Variants in PLIN4 observed in about 807,000 individuals in gnomAD.
The protein encoded by PLIN4 is perilipin 4.
PLIN4 carries 57 observed loss-of-function variants against 52.4 expected under a neutral mutation model. The observed-to-expected ratio is 1.09, with a 90% CI of 0.88 to 1.36. PLIN4 has a LOEUF of 1.36. PLIN4 is among the 40% of genes most tolerant of loss of function. The probability of loss-of-function intolerance (pLI) is 0.00; values close to 1 mark genes in which losing one functional copy is unlikely to be tolerated. For synonymous variants in PLIN4, 826 were observed against 785.4 expected (o/e 1.05, Z -0.86); for missense variants, 1,757 against 1,770.3 (o/e 0.99, Z 0.13).
At chr19:4,510,375 A>G in intron 5 of PLIN4, 71 bp downstream of exon 5, 1 of 1,208,238 alleles carries the variant, frequency 8.3e-7, no homozygotes, top group Non-Finnish European at 1.1e-6. Flanking sequence ...CAAAAAAAAA[A>G]ACAAAACAGT....
intron 6 of PLIN4, among the ~76,000 whole-genome samples, chr19:4,505,597 G>A: frequency 6.6e-6 from 1 of 152,144 alleles, no homozygotes; most frequent in East Asian, 1.9e-4. Flanking sequence ...GGAACACTCA[G>A]GACTCTGTCC....
Position 4,518,384 on chromosome 19 carries a change from C to G in PLIN4, c.-18+1G>C, listed in dbSNP as rs112089151. 2 of 1,231,348 alleles carry G rather than the reference C, an allele frequency of 1.6e-6. No homozygotes were observed. Among genetic ancestry groups the G allele is most frequent in the Admixed American group, 8.4e-5 (2 of 23,702 alleles). The allele number at this position is 1,231,348 out of a possible 1,614,324, so 76.3% of individuals were successfully genotyped here. On this transcript the variant is annotated splice_donor_variant, in intron 1 of 7. Transcript: ENST00000301286. LOFTEE classifies it low-confidence loss of function (5UTR_SPLICE). ...GAAAGCCTGAGCAGCCCGACACCCA[C>G]CTGCAGGCCTGGCCTCACCCTGGTG...
At position 4,508,940 on chromosome 19, in the gene PLIN4, G is replaced by C. The variant is rs1976188009; in HGVS notation, c.3530C>G (p.Ser1177Cys). 6.2e-7 allele frequency: 1 copy of C among 1,611,256 alleles called. No individual in the cohort carries two copies. Among genetic ancestry groups the C allele is most frequent in the African/African-American group, 1.3e-5 (1 of 74,914 alleles). ...CGACAGCACCTTTGGCCCAGGCTGG[G>C]AGGCAGCCAGCTGAGCTGGAAAGGA... is the stretch of plus-strand genomic sequence containing the variant. ...NAEEQAQLAA[S>C]QPGPKVLSAE... is the part of the protein sequence containing the mutation. Residue 1177 changes from serine to cysteine, a missense_variant, in exon 6 of 8, where the codon TCC becomes TGC. By Grantham distance (112) the Ser-to-Cys change is moderately radical. Coordinates refer to ENST00000301286, the MANE Select transcript of PLIN4 (RefSeq NM_001367868.2).
chr19:4,511,010 C>G lies in PLIN4; in HGVS notation c.2950G>C (p.Asp984His), dbSNP rs1174067688. 6.2e-7 allele frequency: 1 copy of G among 1,613,138 alleles called. No homozygotes were observed. The highest frequency in any genetic ancestry group is 8.5e-7 in the Non-Finnish European group (1 of 1,179,842). ...VAKGTVQTGV[D>H]ASKAVLMGTK... ...CCCATAAGCACAGCCTTGGAGGCGTCCACGCCGGTCTGCACGGTTCCTTTG... is the reference window on the plus strand; with the variant it reads ...CCCATAAGCACAGCCTTGGAGGCGTGCACGCCGGTCTGCACGGTTCCTTTG... The change falls in exon 5 of 8, where the codon GAC becomes CAC. Residue 984 changes from aspartate (D) to histidine (H), a missense_variant. By Grantham distance (81) the Asp-to-His change is moderately conservative (BLOSUM62 -1). Coordinates refer to ENST00000301286, the MANE Select transcript of PLIN4 (RefSeq NM_001367868.2).
In PLIN4 at chr19:4,517,113, A is replaced by G. The variant is rs1424647712; in HGVS notation, c.197-435T>C. 5.9e-5 allele frequency among the ~76,000 whole-genome samples: 9 copies of G among 152,196 alleles called. No individual in the cohort carries two copies. The South Asian group carries it at 1.9e-3, about 32-fold the overall frequency. On this transcript the variant is annotated intron_variant, in intron 3 of 7. Transcript: ENST00000301286. The stretch of plus-strand genomic sequence containing the variant: ...AGGCCCAGCTCAGGCGGCTGCCCCA[A>G]CCCTGGGTTCCCTGTCACCGTCCCT...
rs374833208 is a variant in PLIN4 at position 4,504,611 on chromosome 19, C to T, written c.3964G>A (p.Val1322Ile). Residue 1322 changes from valine (V) to isoleucine (I), a missense_variant, in exon 8 of 8, where the codon GTA becomes ATA. Around this residue, in one of 7 missense-constraint regions of PLIN4, gnomAD observed 712 missense variants for 637.1 expected, o/e 1.12. Coordinates refer to ENST00000301286, the MANE Select transcript of PLIN4 (RefSeq NM_001367868.2). ...AGCCGCTCTGCGGGCAGCTCCTCTA[C>T]AGAGCCAGCTGAGGCCACGATGCCA... is the stretch of plus-strand genomic sequence containing the variant. Reference protein sequence around the residue: ...LYGIVASAGSVEELPAERLVQ... With the variant: ...LYGIVASAGSIEELPAERLVQ... 7 of 1,604,122 alleles carry T rather than the reference C, an allele frequency of 4.4e-6. No homozygotes were observed. The African/African-American group carries it at 5.3e-5, about 12-fold the overall frequency.
At chr19:4,516,408 G>A (rs913966923) in intron 4 of PLIN4, among the ~76,000 whole-genome samples, 2 of 152,200 alleles carry the variant, frequency 1.3e-5, no homozygotes, top group Admixed American at 1.3e-4. Flanking sequence ...CCATTTCACA[G>A]ATGTGGAAAT....
At position 4,504,767 on chromosome 19, in the gene PLIN4, G is replaced by A. The variant is rs1976038630; in HGVS notation, c.3808C>T (p.Leu1270=). The change falls in exon 8 of 8, where the codon CTG becomes TTG. Residue 1270 remains leucine, a synonymous_variant. Coordinates refer to ENST00000301286, the MANE Select transcript of PLIN4 (RefSeq NM_001367868.2). ...AVQEERDAGV[L]SRVCGLLRQL... ...CGGAGAAGGCCGCAGACCCTGGACA[G>A]AACCCCGGCATCCCGCTCCTGTGGG... 2.5e-6 allele frequency: 4 copies of A among 1,599,776 alleles called. No individual in the cohort carries two copies. The highest frequency in any genetic ancestry group is 3.4e-6 in the Non-Finnish European group (4 of 1,172,356).
At chr19:4,517,292 G>T (rs1976609672) in intron 3 of PLIN4, among the ~76,000 whole-genome samples, 1 of 143,292 alleles carries the variant, frequency 7.0e-6, no homozygotes, top group Non-Finnish European at 1.5e-5. Flanking sequence ...GAAACGGAGT[G>T]CAGGGTGGGG....
rs1306786483 is a variant in PLIN4, at chr19:4,503,593, C to T, written c.*866G>A. 6.6e-6 allele frequency: 1 copy of T among 152,396 alleles called. No individual in the cohort carries two copies. The highest frequency in any genetic ancestry group is 1.5e-5 in the Non-Finnish European group (1 of 68,190). 9.4% of individuals were successfully genotyped at this position (152,396 alleles called of 1,614,324 possible). On this transcript the variant is annotated 3_prime_UTR_variant, in exon 8 of 8. Transcript: ENST00000301286. ...CTGATCCCTCCATAGGGCACAGTTC[C>T]CTGCGGGGAAGTCCTTTGTCTGTGT... is the stretch of plus-strand genomic sequence containing the variant.
At position 4,502,291 on chromosome 19, in the gene PLIN4, G is replaced by A. The variant is rs551960329; in HGVS notation, c.*2168C>T. On this transcript the variant is annotated 3_prime_UTR_variant, in exon 8 of 8. Coordinates refer to ENST00000301286, the MANE Select transcript of PLIN4 (RefSeq NM_001367868.2). ...GGGGCGCAGGCGGCAGTGTCACTGG[G>A]CCCGTTTGGGACTGGGTTGAGCCAT... The A allele has an allele frequency of 3.7e-5, 19 of 507,072 alleles. No individual in the cohort carries two copies. Among genetic ancestry groups the A allele is most frequent in the South Asian group, 2.5e-4 (14 of 55,214 alleles). 31.4% of individuals were successfully genotyped at this position (507,072 alleles called of 1,614,324 possible). A position where few individuals can be genotyped will look rare whatever the true frequency, so the allele number is the denominator to read the frequency against.
At position 4,504,778 on chromosome 19, in the gene PLIN4, TC is replaced by T; in HGVS notation, c.3796del (p.Asp1266MetfsTer57). ...AEDAAVQEER[D>X]AGVLSRVCGL... ...GCAGACCCTGGACAGAACCCCGGCA[TC>T]CCGCTCCTGTGGGAGGAAGGCGCAA... On this transcript the variant is annotated frameshift_variant, in exon 8 of 8. Transcript: ENST00000301286. LOFTEE classifies it low-confidence loss of function (END_TRUNC). The T allele has an allele frequency of 6.3e-7, 1 of 1,599,990 alleles. No individual in the cohort carries two copies. The highest frequency in any genetic ancestry group is 1.1e-5 in the South Asian group (1 of 90,412).
At position 4,511,146 on chromosome 19, in the gene PLIN4, G is replaced by C; in HGVS notation, c.2814C>G (p.Ala938=). 6.2e-7 allele frequency: 1 copy of C among 1,606,092 alleles called. No individual in the cohort carries two copies. Among genetic ancestry groups the C allele is most frequent in the Non-Finnish European group, 8.5e-7 (1 of 1,176,186 alleles). The stretch of plus-strand genomic sequence containing the variant: ...GGACGGTCCCTTTGGCCACATTTAC[G>C]GCACCAGTGACTCCACTGCAGACGG... ...KDTVCSGVTG[A]VNVAKGTVQT... The change falls in exon 5 of 8, where the codon GCC becomes GCG. Residue 938 remains alanine, a synonymous_variant. Coordinates refer to ENST00000301286, the MANE Select transcript of PLIN4 (RefSeq NM_001367868.2).
rs1421356179 is a variant in PLIN4, at chr19:4,513,626, T to C, written c.334A>G (p.Ser112Gly). The C allele has an allele frequency of 6.2e-7, 1 of 1,610,014 alleles. No homozygotes were observed. The highest frequency in any genetic ancestry group is 8.5e-7 in the Non-Finnish European group (1 of 1,178,362). Residue 112 changes from serine to glycine, a missense_variant, in exon 5 of 8, where the codon AGC becomes GGC. Transcript: ENST00000301286. ...AKDAVSSGVA[S>G]VVDVAKGVVQ... ...ACTCCCTTAGCCACGTCCACCACGC[T>C]GGCCACCCCGGAGGACACGGCATCC...
At chr19:4,509,741 A>C (rs1430521626) in intron 5 of PLIN4, among the ~76,000 whole-genome samples, 2 of 151,794 alleles carry the variant, frequency 1.3e-5, no homozygotes, top group Non-Finnish European at 2.9e-5. Flanking sequence ...GGAGTTTGAG[A>C]CCAGCCTGGG....
In PLIN4 at chr19:4,512,379, G is replaced by C. The variant is rs746124618; in HGVS notation, c.1581C>G (p.Val527=). 2 of 1,599,338 alleles carry C rather than the reference G, an allele frequency of 1.3e-6. No individual in the cohort carries two copies. The highest frequency in any genetic ancestry group is 1.7e-6 in the Non-Finnish European group (2 of 1,175,336). ...AGACGGTGTCCTTGGTGCCGGTTAG[G>C]ACAGTCTTGGTGGTGTCTACGCCGG... The part of the protein sequence containing the change: ...VQTGVDTTKT[V]LTGTKDTVCS... Residue 527 remains valine (V), a synonymous_variant, in exon 5 of 8, where the codon GTC becomes GTG. Transcript: ENST00000301286.
rs1410863588 is a variant in PLIN4, at chr19:4,517,555, C to T, written c.195G>A (p.Gln65=). ...PAAEAAQPQA[Q]VAAHPEQTAP... ...CCCCCAGCTGGGCCAGCCACTCACCCTGAGCCTGTGGTTGGGCAGCCTCGG... is the reference window on the plus strand; with the variant it reads ...CCCCCAGCTGGGCCAGCCACTCACCTTGAGCCTGTGGTTGGGCAGCCTCGG... Residue 65 remains glutamine (Q), a splice_region_variant and synonymous_variant, in exon 3 of 8, where the codon CAG becomes CAA. Transcript: ENST00000301286. 2 of 1,608,270 alleles carry T rather than the reference C, an allele frequency of 1.2e-6. No homozygotes were observed. Among genetic ancestry groups the T allele is most frequent in the Non-Finnish European group, 1.7e-6 (2 of 1,177,958 alleles).
chr19:4,512,148 C>T lies in PLIN4; in HGVS notation c.1812G>A (p.Gly604=). 5 of 1,610,068 alleles carry T rather than the reference C, an allele frequency of 3.1e-6. No individual in the cohort carries two copies. Among genetic ancestry groups the T allele is most frequent in the Non-Finnish European group, 3.4e-6 (4 of 1,179,130 alleles). ...TGGCGACATTCACTGCCCCCACGAG[C>T]CCAGTAGTCACTGTGTCCTTGGTGC... The part of the protein sequence containing the change: ...LTGTKDTVTT[G]LVGAVNVAKG... The change falls in exon 5 of 8, where the codon GGG becomes GGA. Residue 604 remains glycine, a synonymous_variant. Coordinates refer to ENST00000301286, the MANE Select transcript of PLIN4 (RefSeq NM_001367868.2).
rs758420992 is a variant in PLIN4, at chr19:4,512,104, C to T, written c.1856G>A (p.Gly619Asp). Reference protein sequence around the residue: ...VNVAKGTVQTGMDTTKTVLTG... With the variant: ...VNVAKGTVQTDMDTTKTVLTG... ...TAGGACAGTTTTGGTGGTGTCCATG[C>T]CTGTCTGGACGGTCCCTTTGGCGAC... is the stretch of plus-strand genomic sequence containing the variant. The change falls in exon 5 of 8, where the codon GGC (glycine) becomes GAC (aspartate). Residue 619 changes from glycine to aspartate, a missense_variant. This residue lies in a region of PLIN4 where 439 missense variants were observed against 406.4 expected (regional missense o/e 1.08). Transcript: ENST00000301286. The T allele has an allele frequency of 5.6e-6, 9 of 1,607,954 alleles. No homozygotes were observed. The highest frequency in any genetic ancestry group is 1.7e-5 in the Admixed American group (1 of 59,282).
Sources: gnomAD v4.1 joint callset for allele counts (sites outside exome capture counted in the v4.1 genomes callset) on GRCh38, gnomAD v4.1.1 for gene constraint, gnomAD v4.1.1 regional missense constraint, MANE v1.5 for transcripts, NCBI Gene and HGNC (gene_info 2026-07-23, HGNC 2026-07-21) for gene names.